DZIP3: variants seen among roughly 807,000 people sequenced by gnomAD.
The protein encoded by DZIP3 is E3 ubiquitin-protein ligase DZIP3.
In DZIP3, 118 loss-of-function variants were observed where a neutral mutation model predicts 162.0. The ratio of observed to expected loss-of-function variants is 0.73; its 90% CI spans 0.63 to 0.85. DZIP3 has a LOEUF of 0.85. Among genes scored for constraint, DZIP3 ranks in the 40% least tolerant of loss-of-function variants. The pLI, the probability that DZIP3 is intolerant of heterozygous loss-of-function variation, is 0.00. For missense variants in DZIP3, 1,331 were observed against 1,407.0 expected (o/e 0.95, Z 0.86); for synonymous variants, 438 against 458.6 (o/e 0.96, Z 0.57).
intron 21 of DZIP3, among the ~76,000 whole-genome samples, chr3:108,668,368 G>C (rs1943768493): frequency 1.3e-5 from 2 of 151,938 alleles, no homozygotes; most frequent in Admixed American, 1.3e-4. Flanking sequence ...AAAAGACTGA[G>C]AAGTTAAGAC....
intron 14 of DZIP3, among the ~76,000 whole-genome samples, chr3:108,645,971 T>A (rs1174338863): frequency 2.0e-5 from 3 of 152,208 alleles, no homozygotes; most frequent in Non-Finnish European, 4.4e-5. Flanking sequence ...TCAAAGCATT[T>A]TAAGCAGTTC....
intron 21 of DZIP3, among the ~76,000 whole-genome samples, chr3:108,667,197 ATAG>A (rs1168160377): frequency 6.6e-6 from 1 of 152,070 alleles, no homozygotes; most frequent in African/African-American, 2.4e-5. Context: ...AAAAAGAAAA[ATAG>A]TAGAGAAAAT....
chr3:108,606,408 T>G (rs1940376239), intron 2 of DZIP3, among the ~76,000 whole-genome samples: 1 of 152,212 alleles, frequency 6.6e-6, no homozygotes, highest in Non-Finnish European at 1.5e-5. Flanking sequence ...TCCTTGGTGC[T>G]TAGGGAATAA....
At chr3:108,646,792 C>T in intron 15 of DZIP3, 143 bp downstream of exon 15, 1 of 582,768 alleles carries the variant, frequency 1.7e-6, no homozygotes, top group Non-Finnish European at 2.9e-6. Context: ...CCTATAATCC[C>T]TGTACTTTGG....
chr3:108,672,667 A>G lies in DZIP3; in HGVS notation c.2589+11A>G. ...GCTTTAACAGCCGAGGTAACAACAA[A>G]ACGGGGACAGGGGTATGGGGTGAGG... is the stretch of plus-strand genomic sequence containing the variant. On this transcript the variant is annotated intron_variant, in intron 23 of 32. Coordinates refer to ENST00000361582, the MANE Select transcript of DZIP3 (RefSeq NM_014648.4). The G allele has an allele frequency of 6.2e-7, 1 of 1,608,432 alleles. No individual in the cohort carries two copies. Among genetic ancestry groups the G allele is most frequent in the East Asian group, 2.2e-5 (1 of 44,744 alleles).
chr3:108,689,363 T>G (rs1190462208), intron 31 of DZIP3, among the ~76,000 whole-genome samples: 1 of 152,172 alleles, frequency 6.6e-6, no homozygotes, highest in Admixed American at 6.5e-5. Flanking sequence ...ATATTTGCTT[T>G]TGAAAGATAC....
intron 8 of DZIP3, among the ~76,000 whole-genome samples, chr3:108,631,051 A>ACTCTCTCTCTCTCTCT (rs1431834911): frequency 5.7e-4 from 24 of 42,016 alleles, no homozygotes; most frequent in Non-Finnish European, 9.3e-4. Flanking sequence ...ACACACACAC[A>ACTCTCTCTCTCTCTCT]CACACTCTCT....
chr3:108,613,898 C>T (rs1257962605), intron 4 of DZIP3, among the ~76,000 whole-genome samples: 1 of 151,810 alleles, frequency 6.6e-6, no homozygotes, highest in Non-Finnish European at 1.5e-5. Flanking sequence ...ACCAATTGGC[C>T]AAAGAAGAAA....
intron 9 of DZIP3, 21 bp from the exon 10 acceptor site, chr3:108,634,850 C>A: frequency 1.3e-6 from 2 of 1,525,664 alleles, no homozygotes; most frequent in South Asian, 1.2e-5. Flanking sequence ...TTATTGATAA[C>A]TTACTTTTAT....
At chr3:108,627,086 A>G (rs1941622034) in intron 7 of DZIP3, among the ~76,000 whole-genome samples, 1 of 152,226 alleles carries the variant, frequency 6.6e-6, no homozygotes, top group African/African-American at 2.4e-5. Flanking sequence ...TGTGCCATCA[A>G]TATAGTGGGG....
At chr3:108,644,037 C>A (rs893253487) in intron 13 of DZIP3, 127 bp from the exon 14 acceptor site, 1 of 1,194,948 alleles carries the variant, frequency 8.4e-7, no homozygotes, top group Non-Finnish European at 1.1e-6. Flanking sequence ...TGTGGCAAAG[C>A]ACTGTACTAT....
At chr3:108,684,703 A>G (rs932391032) in intron 27 of DZIP3, among the ~76,000 whole-genome samples, 1 of 152,166 alleles carries the variant, frequency 6.6e-6, no homozygotes, top group Non-Finnish European at 1.5e-5. Flanking sequence ...ACAACAAACT[A>G]TATTATGGCA....
chr3:108,603,423 G>A (rs973016241), intron 1 of DZIP3, among the ~76,000 whole-genome samples: 1 of 150,470 alleles, frequency 6.6e-6, no homozygotes, highest in African/African-American at 2.5e-5. Flanking sequence ...TCTCTGCTTC[G>A]TTATTAGCTG....
chr3:108,689,768 T>C (rs193124966), intron 31 of DZIP3, among the ~76,000 whole-genome samples: 1 of 152,348 alleles, frequency 6.6e-6, no homozygotes, highest in East Asian at 1.9e-4. Context: ...CTGGTGTTAC[T>C]GCCACACAGT....
At chr3:108,633,093 CA>C in intron 9 of DZIP3, 21 bp downstream of exon 9, 1 of 1,308,078 alleles carries the variant, frequency 7.6e-7, no homozygotes. Flanking sequence ...TGTCAATTAA[CA>C]GTATTTTTAA....
intron 10 of DZIP3, among the ~76,000 whole-genome samples, 167 bp downstream of exon 10, chr3:108,635,139 T>G (rs1942079579): frequency 1.3e-5 from 2 of 152,042 alleles, no homozygotes; most frequent in South Asian, 4.1e-4. Context: ...CAATTCTCTC[T>G]GATGCTTATC....
rs780946609 is a variant in DZIP3, at chr3:108,662,176, A to T, written c.2342A>T (p.Asn781Ile). ...LRTVTFRWQE[N>I]QMQIKKKDKI... ...ACAGTGACTTTTCGGTGGCAAGAAAACCAAATGCAGATTAAAAAGAAAGAC... is the reference window on the plus strand; with the variant it reads ...ACAGTGACTTTTCGGTGGCAAGAAATCCAAATGCAGATTAAAAAGAAAGAC... The change falls in exon 21 of 33, where the codon AAC becomes ATC. Residue 781 changes from asparagine to isoleucine, a missense_variant. Physicochemically the swap from Asn to Ile is moderately radical, Grantham distance 149 (BLOSUM62 -3). Transcript: ENST00000361582. The T allele has an allele frequency of 1.2e-6, 2 of 1,609,572 alleles. No homozygotes were observed. Among genetic ancestry groups the T allele is most frequent in the South Asian group, 2.2e-5 (2 of 89,656 alleles).
At chr3:108,648,433 TAGAG>T (rs996027067) in intron 16 of DZIP3, 8 of 191,332 alleles carry the variant, frequency 4.2e-5, no homozygotes, top group East Asian at 1.3e-4. Context: ...TAGTCTAAAA[TAGAG>T]AGGAAAGAAA....
At chr3:108,593,367 C>A (rs1242370006) in intron 1 of DZIP3, among the ~76,000 whole-genome samples, 1 of 152,156 alleles carries the variant, frequency 6.6e-6, no homozygotes, top group Non-Finnish European at 1.5e-5. Context: ...ACAGTAGTAA[C>A]AATCCTATGT....
Sources: allele counts gnomAD v4.1 joint callset (sites outside exome capture counted in the v4.1 genomes callset), GRCh38; gene constraint gnomAD v4.1.1; transcripts MANE v1.5; gene names NCBI Gene and HGNC (gene_info 2026-07-23, HGNC 2026-07-21).